Variants in HORMAD2 observed in about 807,000 individuals in gnomAD.
HORMAD2 encodes HORMA domain containing 2.
In HORMAD2, 45 loss-of-function variants were observed where a neutral mutation model predicts 38.8. The ratio of observed to expected loss-of-function variants is 1.16; its 90% CI spans 0.91 to 1.49. The LOEUF is 1.49. HORMAD2 is among the 40% of genes most tolerant of loss of function. HORMAD2 has a pLI of 0.00. For missense variants in HORMAD2, 338 were observed against 367.0 expected (o/e 0.92, Z 0.65); for synonymous variants, 126 against 122.8 (o/e 1.03, Z -0.17).
intron 10 of HORMAD2, among the ~76,000 whole-genome samples, chr22:30,175,320 T>TAGAATATATATAATAATATATATAATATA (rs1569123279): frequency 2.1e-5 from 3 of 142,840 alleles, no homozygotes; most frequent in Admixed American, 7.3e-5. Context: ...TAATATAATA[T>TAGAATATATATAATAATATATATAATATA]ATATATATAT....
intron 7 of HORMAD2, among the ~76,000 whole-genome samples, chr22:30,115,670 G>A (rs542056353): frequency 2.0e-5 from 3 of 152,094 alleles, no homozygotes; most frequent in South Asian, 2.1e-4. Flanking sequence ...AGAAGCCTAC[G>A]TTCTTATGAG....
At chr22:30,110,338 C>T (rs1460471680) in intron 5 of HORMAD2, among the ~76,000 whole-genome samples, 1 of 150,596 alleles carries the variant, frequency 6.6e-6, no homozygotes, top group African/African-American at 2.4e-5. Context: ...CTAGGAAATT[C>T]CCCTTTATAA....
chr22:30,102,082 T>C (rs1176821412), intron 3 of HORMAD2, among the ~76,000 whole-genome samples: 1 of 151,984 alleles, frequency 6.6e-6, no homozygotes, highest in Admixed American at 6.6e-5. Flanking sequence ...AAAAAAATTA[T>C]CTTAAGTAAT....
At chr22:30,083,617 G>A (rs1461327395) in intron 1 of HORMAD2, among the ~76,000 whole-genome samples, 4 of 151,748 alleles carry the variant, frequency 2.6e-5, no homozygotes, top group Non-Finnish European at 5.9e-5. Context: ...GCTGAAAGGA[G>A]TCTGGCTTTT....
intron 10 of HORMAD2, among the ~76,000 whole-genome samples, chr22:30,127,514 T>A (rs1922970713): frequency 6.6e-6 from 1 of 152,154 alleles, no homozygotes; most frequent in African/African-American, 2.4e-5. Flanking sequence ...GCCTAATTTT[T>A]GTATTTGTTT....
intron 5 of HORMAD2, among the ~76,000 whole-genome samples, chr22:30,106,175 T>C (rs1921179367): frequency 6.6e-6 from 1 of 152,094 alleles, no homozygotes; most frequent in Non-Finnish European, 1.5e-5. Flanking sequence ...CACACTCGGC[T>C]AATTTTTGTA....
At chr22:30,159,145 A>G (rs1419307905) in intron 10 of HORMAD2, among the ~76,000 whole-genome samples, 2 of 152,210 alleles carry the variant, frequency 1.3e-5, no homozygotes, top group Non-Finnish European at 2.9e-5. Context: ...AAAAATTAGA[A>G]AAGTTCTCCT....
intron 1 of HORMAD2, among the ~76,000 whole-genome samples, chr22:30,091,446 TGTACA>T (rs1170208775): frequency 2.6e-5 from 4 of 151,722 alleles, no homozygotes; most frequent in Non-Finnish European, 4.4e-5. Flanking sequence ...TCGTATTTTT[TGTACA>T]GATAGGGTTT....
At position 30,113,240 on chromosome 22, in the gene HORMAD2, C is replaced by T. The variant is rs1569092957; in HGVS notation, c.342+718C>T. ...CTCCTCAACCAGATTGTGAATTCTTCTTTTTTTTTCTTTTTTCTTTTTTTA... is the reference window on the plus strand; with the variant it reads ...CTCCTCAACCAGATTGTGAATTCTTTTTTTTTTTTCTTTTTTCTTTTTTTA... On this transcript the variant is annotated intron_variant, in intron 7 of 10. Coordinates refer to ENST00000336726, the MANE Select transcript of HORMAD2 (RefSeq NM_152510.4). Among the ~76,000 whole-genome samples, 3 of 150,954 alleles carry T rather than the reference C, an allele frequency of 2.0e-5. No homozygotes were observed. In the East Asian group the frequency reaches 5.8e-4, roughly 29 times the overall value.
chr22:30,114,397 A>G (rs944361046), intron 7 of HORMAD2, among the ~76,000 whole-genome samples: 2 of 152,222 alleles, frequency 1.3e-5, no homozygotes, highest in Non-Finnish European at 2.9e-5. Flanking sequence ...CTACTGTGGT[A>G]TAGCAATGTT....
At chr22:30,145,642 A>T (rs923740814) in intron 10 of HORMAD2, among the ~76,000 whole-genome samples, 2 of 152,196 alleles carry the variant, frequency 1.3e-5, no homozygotes, top group Non-Finnish European at 2.9e-5. Context: ...GAAGTCACTC[A>T]AATTGAAACA....
chr22:30,099,224 T>C (rs561376174), intron 3 of HORMAD2, among the ~76,000 whole-genome samples: 1 of 152,296 alleles, frequency 6.6e-6, no homozygotes, highest in African/African-American at 2.4e-5. Flanking sequence ...AAAAAAGAAA[T>C]GTTTGGACAA....
chr22:30,189,355 C>A, the HORMAD2 span, among the ~76,000 whole-genome samples: 1 of 152,118 alleles, frequency 6.6e-6, no homozygotes, highest in African/African-American at 2.4e-5. Context: ...CCAGTGAGTA[C>A]CTAGGAGCAG....
rs1925841418 is a variant in HORMAD2 at position 30,167,255 on chromosome 22, A to G, written c.820-8808A>G. On this transcript the variant is annotated intron_variant, in intron 10 of 10. Transcript: ENST00000336726. ...ATACATCTGATTACATTTAGGGTCC[A>G]CCTGCATAATTAAGAAGAACTCTCC... 2.0e-5 allele frequency among the ~76,000 whole-genome samples: 3 copies of G among 152,194 alleles called. No individual in the cohort carries two copies. The South Asian group carries it at 6.2e-4, about 31-fold the overall frequency.
chr22:30,169,724 C>T (rs980211269), intron 10 of HORMAD2, among the ~76,000 whole-genome samples: 1 of 152,310 alleles, frequency 6.6e-6, no homozygotes, highest in Non-Finnish European at 1.5e-5. Context: ...ATCTTAAAAA[C>T]AGAGTCAATT....
intron 10 of HORMAD2, among the ~76,000 whole-genome samples, chr22:30,135,665 C>G (rs149525102): frequency 2.0e-5 from 3 of 152,214 alleles, no homozygotes; most frequent in Non-Finnish European, 4.4e-5. Flanking sequence ...ACATAATTAC[C>G]AGTCAAATGG....
chr22:30,145,173 T>G (rs907210012), intron 10 of HORMAD2, among the ~76,000 whole-genome samples: 2 of 152,238 alleles, frequency 1.3e-5, no homozygotes, highest in Non-Finnish European at 2.9e-5. Context: ...GCTGGAGAGC[T>G]GGTCTGTGGA....
At chr22:30,175,203 AAT>A (rs1192914187) in intron 10 of HORMAD2, among the ~76,000 whole-genome samples, 2 of 143,864 alleles carry the variant, frequency 1.4e-5, no homozygotes, top group African/African-American at 2.5e-5. Context: ...TCTTGCTTTA[AAT>A]ATATATATTA....
intron 1 of HORMAD2, among the ~76,000 whole-genome samples, chr22:30,088,220 T>C (rs1053303554): frequency 5.3e-5 from 8 of 150,100 alleles, no homozygotes; most frequent in East Asian, 1.9e-4. Context: ...TATATACACA[T>C]ATATACATAT....
Sources: allele counts gnomAD v4.1 joint callset (sites outside exome capture counted in the v4.1 genomes callset), GRCh38; gene constraint gnomAD v4.1.1; transcripts MANE v1.5; gene names NCBI Gene and HGNC (gene_info 2026-07-23, HGNC 2026-07-21).